Variants in RBBP8 observed in about 807,000 individuals in gnomAD.
RBBP8 encodes the protein RB binding protein 8, endonuclease.
RBBP8 carries 88 observed loss-of-function variants against 108.3 expected under a neutral mutation model. The observed-to-expected ratio is 0.81, with a 90% CI of 0.68 to 0.97. The LOEUF is 0.97. Among genes scored for constraint, RBBP8 ranks in the 50% least tolerant of loss-of-function variants. RBBP8 has a pLI of 0.00. For synonymous variants in RBBP8, 332 were observed against 348.2 expected, an observed-to-expected ratio of 0.95 and a Z score of 0.52; for missense variants, 1,023 against 1,049.0, an observed-to-expected ratio of 0.98 and a Z score of 0.34.
intron 4 of RBBP8, among the ~76,000 whole-genome samples, chr18:22,954,414 G>A (rs1300225277): frequency 6.6e-6 from 1 of 152,192 alleles, no homozygotes; most frequent in East Asian, 1.9e-4. Flanking sequence ...AAATCCAGCA[G>A]GGCAGTCAAA....
At chr18:22,920,127 A>C (rs7242127) in intron 3 of RBBP8, among the ~76,000 whole-genome samples, 25,479 of 151,854 alleles carry the variant, frequency 0.17, 2,704 homozygotes, top group African/African-American at 0.31. Flanking sequence ...GTTCAAGACC[A>C]GCCTGGGAAA....
chr18:22,984,720 G>A (rs1915196324), intron 7 of RBBP8, among the ~76,000 whole-genome samples, 166 bp from the exon 8 acceptor site: 1 of 152,058 alleles, frequency 6.6e-6, no homozygotes, highest in East Asian at 1.9e-4. Context: ...AATTAAAGGA[G>A]CTTACTTCTT....
intron 3 of RBBP8, 112 bp from the exon 4 acceptor site, chr18:22,949,506 A>T: frequency 1.3e-6 from 1 of 799,500 alleles, no homozygotes; most frequent in Non-Finnish European, 2.1e-6. Flanking sequence ...TGACCTTTTC[A>T]GTTGTTTTGT....
rs756291647 is a variant in RBBP8, at chr18:23,022,214, C to A, written c.2540C>A (p.Thr847Lys). 2 of 1,612,528 alleles carry A rather than the reference C, an allele frequency of 1.2e-6. No individual in the cohort carries two copies. Among genetic ancestry groups the A allele is most frequent in the Admixed American group, 3.3e-5 (2 of 60,014 alleles). The change falls in exon 18 of 19, where the codon ACA becomes AAA. Residue 847 changes from threonine to lysine, a missense_variant. Transcript: ENST00000327155. ...CGATTCCGCTACATTCCACCCAACA[C>A]ACCAGAGAATTTTTGGGAAGTTGGT... ...RHRFRYIPPN[T>K]PENFWEVGFP...
intron 4 of RBBP8, among the ~76,000 whole-genome samples, chr18:22,967,142 G>A (rs758729336): frequency 6.6e-6 from 1 of 152,080 alleles, no homozygotes; most frequent in Non-Finnish European, 1.5e-5. Flanking sequence ...GGAAGCAAGC[G>A]GATCACGAGG....
intron 17 of RBBP8, among the ~76,000 whole-genome samples, chr18:23,021,874 T>G (rs146597904): frequency 2.6e-4 from 39 of 152,130 alleles, no homozygotes; most frequent in Admixed American, 1.3e-3. Flanking sequence ...CTTTATTGGT[T>G]TACATTGTGA....
chr18:22,934,859 C>T (rs1206232057), intron 1 of RBBP8: 1 of 151,816 alleles, frequency 6.6e-6, no homozygotes, highest in Non-Finnish European at 1.5e-5. Context: ...ACATTTACTG[C>T]CTTACGCCTC....
intron 4 of RBBP8, among the ~76,000 whole-genome samples, chr18:22,968,177 A>G (rs1367821049): frequency 6.6e-6 from 1 of 151,422 alleles, no homozygotes; most frequent in Non-Finnish European, 1.5e-5. Context: ...GGTTCAAGCG[A>G]TTCTTCTGCC....
upstream of RBBP8, among the ~76,000 whole-genome samples, chr18:22,929,205 G>A (rs729954): frequency 0.17 from 25,532 of 151,964 alleles, 2,713 homozygotes; most frequent in African/African-American, 0.31. Flanking sequence ...TGCCTGACTC[G>A]TCCTGACACC....
At chr18:22,961,953 T>G (rs6507403) in intron 4 of RBBP8, among the ~76,000 whole-genome samples, 150,624 of 152,314 alleles carry the variant, frequency 0.99, 74,501 homozygotes, top group East Asian at 1. Flanking sequence ...CTGATCTAAC[T>G]ATCTATTCAA....
chr18:22,997,860 CT>C, intron 14 of RBBP8, 126 bp downstream of exon 14: 1 of 715,500 alleles, frequency 1.4e-6, no homozygotes, highest in Non-Finnish European at 2.5e-6. Flanking sequence ...GCTCTGTTAA[CT>C]TTATGTTCCT....
At chr18:23,005,442 C>G (rs1048263200) in intron 15 of RBBP8, among the ~76,000 whole-genome samples, 3 of 152,008 alleles carry the variant, frequency 2.0e-5, no homozygotes, top group Non-Finnish European at 2.9e-5. Context: ...GAGACGGAGT[C>G]TTGCTCTGTT....
intron 16 of RBBP8, among the ~76,000 whole-genome samples, chr18:23,013,227 G>A (rs1448292029): frequency 2.0e-5 from 3 of 152,142 alleles, no homozygotes; most frequent in Non-Finnish European, 2.9e-5. Context: ...GGGAGGACTG[G>A]AGTTATTATT....
At chr18:22,980,388 T>C (rs1914822676) in intron 6 of RBBP8, among the ~76,000 whole-genome samples, 1 of 152,122 alleles carries the variant, frequency 6.6e-6, no homozygotes. Context: ...TTTTAAACGG[T>C]AAAATTCCAG....
chr18:22,980,202 G>C (rs1914803744), intron 6 of RBBP8, among the ~76,000 whole-genome samples: 1 of 151,760 alleles, frequency 6.6e-6, no homozygotes, highest in Non-Finnish European at 1.5e-5. Flanking sequence ...GCCGAGATTG[G>C]ACCACTGCAC....
Position 22,936,220 on chromosome 18 carries a change from A to G in RBBP8, c.-98-534A>G, listed in dbSNP as rs150318274. 5.9e-3 allele frequency among the ~76,000 whole-genome samples: 890 copies of G among 152,098 alleles called. 10 individuals are homozygous for G. Among genetic ancestry groups the G allele is most frequent in the South Asian group, 0.028 (135 of 4,810 alleles). ...AGTTTCAGGCAATTCTCCTGCCTCA[A>G]CCTCCTGAGTAGCTGGGGCCACAGG... is the stretch of plus-strand genomic sequence containing the variant. On this transcript the variant is annotated intron_variant, in intron 1 of 18. Coordinates refer to ENST00000327155, the MANE Select transcript of RBBP8 (RefSeq NM_002894.3).
At chr18:22,985,821 A>G (rs974733856) in intron 8 of RBBP8, among the ~76,000 whole-genome samples, 31 of 152,194 alleles carry the variant, frequency 2.0e-4, no homozygotes, top group African/African-American at 7.5e-4. Flanking sequence ...ATCAGCAGGT[A>G]GATGGCATCT....
intron 2 of RBBP8, among the ~76,000 whole-genome samples, chr18:22,939,184 A>T (rs537776240): frequency 6.6e-6 from 1 of 152,114 alleles, no homozygotes; most frequent in Non-Finnish European, 1.5e-5. Context: ...CCTGAATCTA[A>T]AGTGTAGTAT....
intron 8 of RBBP8, among the ~76,000 whole-genome samples, chr18:22,988,131 T>C (rs1915455825): frequency 6.6e-6 from 1 of 152,244 alleles, no homozygotes; most frequent in Non-Finnish European, 1.5e-5. Flanking sequence ...TAGTTTAGGC[T>C]ACTAGCATCT....
Sources: gnomAD v4.1 joint callset for allele counts (sites outside exome capture counted in the v4.1 genomes callset) on GRCh38, gnomAD v4.1.1 for gene constraint, MANE v1.5 for transcripts, NCBI Gene and HGNC (gene_info 2026-07-23, HGNC 2026-07-21) for gene names.